NPIPB2: variants seen among roughly 807,000 people sequenced by gnomAD.
The protein encoded by NPIPB2 is nuclear pore complex-interacting protein family member B2.
A neutral mutation model predicts 30.8 loss-of-function variants in NPIPB2; 27 were observed. The ratio of observed to expected loss-of-function variants is 0.88; its 90% CI spans 0.65 to 1.21. NPIPB2 has a LOEUF of 1.21. Among genes scored for constraint, NPIPB2 ranks in the 50% most tolerant of loss-of-function variants. NPIPB2 has a pLI of 0.00. For synonymous variants in NPIPB2, 147 were observed against 162.0 expected, an observed-to-expected ratio of 0.91 and a Z score of 0.70; for missense variants, 440 against 446.2, an observed-to-expected ratio of 0.99 and a Z score of 0.13.
chr16:11,966,380 G>C (rs765247305), intron 1 of NPIPB2: 1 of 1,592,162 alleles, frequency 6.3e-7, no homozygotes, highest in Non-Finnish European at 8.6e-7. Context: ...TATTTCCAGG[G>C]GATGGCTATT....
intron 1 of NPIPB2, chr16:11,966,089 C>A: frequency 8.2e-7 from 1 of 1,222,422 alleles, no homozygotes; most frequent in Non-Finnish European, 1.1e-6. Context: ...CTAGCCTGGG[C>A]AACAGAGCAA....
chr16:11,931,501 C>T (rs2054790117), intron 4 of NPIPB2, among the ~76,000 whole-genome samples: 1 of 152,210 alleles, frequency 6.6e-6, no homozygotes, highest in Non-Finnish European at 1.5e-5. Flanking sequence ...CACAAGGCAT[C>T]CTTCAGCACA....
In NPIPB2 at chr16:11,950,729, C is replaced by G. The variant is rs2055054148; in HGVS notation, c.-583-8615G>C. 2.0e-5 allele frequency among the ~76,000 whole-genome samples: 3 copies of G among 152,242 alleles called. No individual in the cohort carries two copies. The East Asian group carries it at 5.8e-4, about 29-fold the overall frequency. On this transcript the variant is annotated intron_variant, in intron 1 of 5. Coordinates refer to the NPIPB2 transcript ENST00000538896. Reference sequence around the variant, plus strand: ...TCCTCTCATCCTCCCTTCCTTCCTTCTCCCTTCCAGCCCATAAATATTTAC... The same window carrying G: ...TCCTCTCATCCTCCCTTCCTTCCTTGTCCCTTCCAGCCCATAAATATTTAC...
intron 1 of NPIPB2, among the ~76,000 whole-genome samples, chr16:11,972,215 C>G (rs1349387021): frequency 6.6e-6 from 1 of 152,174 alleles, no homozygotes; most frequent in African/African-American, 2.4e-5. Context: ...GACCGTAGTT[C>G]TGTCATGCCA....
At chr16:11,952,407 G>A (rs1368156307) in intron 1 of NPIPB2, among the ~76,000 whole-genome samples, 1 of 151,906 alleles carries the variant, frequency 6.6e-6, no homozygotes, top group East Asian at 1.9e-4. Flanking sequence ...GTCTATCTTA[G>A]CAGGTATGCC....
chr16:11,968,856 T>C (rs1199814865), intron 1 of NPIPB2: 2 of 150,190 alleles, frequency 1.3e-5, no homozygotes, highest in Non-Finnish European at 2.9e-5. Flanking sequence ...CAGTAACCAA[T>C]TTCTTTTTCT....
rs987836894 is a variant in NPIPB2 at position 11,966,421 on chromosome 16, G to A, written c.-584+10147C>T. On this transcript the variant is annotated intron_variant, in intron 1 of 5. Coordinates refer to the NPIPB2 transcript ENST00000538896. ...TTTCAGTTCCTTTTCTTTTTTTAGC[G>A]TTGACTATTTCACTTCGTTACAGCC... 2.4e-5 allele frequency: 35 copies of A among 1,435,924 alleles called. 1 individual carries two copies. The African/African-American group carries it at 3.2e-4, about 13-fold the overall frequency. 88.9% of individuals were successfully genotyped at this position (1,435,924 alleles called of 1,614,324 possible). A position where few individuals can be genotyped will look rare whatever the true frequency, so the allele number is the denominator to read the frequency against.
chr16:11,972,307 G>A (rs913682930), intron 1 of NPIPB2, among the ~76,000 whole-genome samples: 3 of 152,172 alleles, frequency 2.0e-5, no homozygotes, highest in Non-Finnish European at 4.4e-5. Context: ...TGGATGCCGC[G>A]GCTCACGCCC....
chr16:11,975,594 G>T (rs1392082906), intron 1 of NPIPB2, among the ~76,000 whole-genome samples: 1 of 150,648 alleles, frequency 6.6e-6, no homozygotes, highest in Admixed American at 6.6e-5. Flanking sequence ...AGCCATTTTT[G>T]TTGTTGTTGT....
exon 1 of NPIPB2, chr16:11,976,590 C>A (rs554902253): frequency 1.9e-5 from 7 of 363,874 alleles, no homozygotes; most frequent in Non-Finnish European, 3.4e-5. Flanking sequence ...GCCCGCGTAG[C>A]CTCAGCACCG....
chr16:11,962,631 CA>C (rs910336057), intron 1 of NPIPB2, among the ~76,000 whole-genome samples: 32 of 117,514 alleles, frequency 2.7e-4, no homozygotes, highest in Middle Eastern at 4.4e-3. Context: ...AAAAAAAAAC[CA>C]AAAAAAAAGA....
intron 1 of NPIPB2, among the ~76,000 whole-genome samples, chr16:11,951,766 G>A (rs576781853): frequency 2.6e-5 from 4 of 152,068 alleles, no homozygotes; most frequent in South Asian, 2.1e-4. Context: ...GGTGGCTCAC[G>A]CCTGTAATCC....
intron 1 of NPIPB2, among the ~76,000 whole-genome samples, chr16:11,938,216 A>G (rs1596492935): frequency 6.6e-6 from 1 of 152,176 alleles, no homozygotes; most frequent in Non-Finnish European, 1.5e-5. Flanking sequence ...ATGAGGTTTC[A>G]CCATGTTGGC....
intron 1 of NPIPB2, among the ~76,000 whole-genome samples, chr16:11,938,327 TTTGTTTTTGTTTG>T (rs2054895022): frequency 7.0e-6 from 1 of 143,294 alleles, no homozygotes; most frequent in African/African-American, 2.6e-5. Context: ...TTTTTTTGTT[TTTGTTTTTGTTTG>T]TTGTTTTTGA....
At chr16:11,957,847 A>G (rs1394812412) in intron 1 of NPIPB2, among the ~76,000 whole-genome samples, 1 of 152,110 alleles carries the variant, frequency 6.6e-6, no homozygotes, top group Admixed American at 6.6e-5. Flanking sequence ...CGGAGTTTGG[A>G]CTTGCCAGCT....
intron 1 of NPIPB2, 148 bp downstream of exon 1, chr16:11,941,835 A>G: frequency 8.4e-7 from 1 of 1,189,174 alleles, no homozygotes; most frequent in Non-Finnish European, 1.2e-6. Flanking sequence ...AACCTTCACA[A>G]ACCTGATTTC....
chr16:11,950,003 T>C (rs1479323362), intron 1 of NPIPB2, among the ~76,000 whole-genome samples: 1 of 152,166 alleles, frequency 6.6e-6, no homozygotes, highest in Non-Finnish European at 1.5e-5. Flanking sequence ...TGCAACCACA[T>C]AAGCCTTGAA....
At chr16:11,947,992 C>T (rs1001632525) in intron 1 of NPIPB2, among the ~76,000 whole-genome samples, 2 of 147,420 alleles carry the variant, frequency 1.4e-5, no homozygotes, top group African/African-American at 5.0e-5. Flanking sequence ...TCAATTACAC[C>T]CAAGACTGGC....
At chr16:11,966,226 G>A (rs200361156) in intron 1 of NPIPB2, 13 of 1,613,648 alleles carry the variant, frequency 8.1e-6, no homozygotes, top group South Asian at 2.2e-5. Flanking sequence ...GAACGAATGC[G>A]ATTCTCTGGA....
Sources: allele counts gnomAD v4.1 joint callset (sites outside exome capture counted in the v4.1 genomes callset), GRCh38; gene constraint gnomAD v4.1.1; transcripts MANE v1.5; gene names NCBI Gene and HGNC (gene_info 2026-07-23, HGNC 2026-07-21).